The following DPY19L2 variants were observed in gnomAD, a reference collection of about 807,000 sequenced individuals.
DPY19L2 encodes the protein dpy-19 like 2.
In DPY19L2, 34 loss-of-function variants were observed where a neutral mutation model predicts 97.9. The observed-to-expected ratio is 0.35, with a 90% CI of 0.26 to 0.46. The LOEUF (loss-of-function observed/expected upper bound fraction) is 0.46. Ranked by LOEUF, DPY19L2 falls within the 20% of genes least tolerant of loss-of-function variation. The pLI is 1.00. For missense variants in DPY19L2, 623 were observed against 911.4 expected, an observed-to-expected ratio of 0.68 and a Z score of 4.07; for synonymous variants, 230 against 307.9, an observed-to-expected ratio of 0.75 and a Z score of 2.65.
At chr12:63,568,654 G>A (rs994371671) in intron 21 of DPY19L2, among the ~76,000 whole-genome samples, 1 of 151,898 alleles carries the variant, frequency 6.6e-6, no homozygotes, top group African/African-American at 2.4e-5. Context: ...CATTCTAGGA[G>A]ACAATTAATG....
intron 4 of DPY19L2, 43 bp from the exon 5 acceptor site, chr12:63,647,408 T>G: frequency 1.1e-6 from 1 of 941,742 alleles, no homozygotes; most frequent in Non-Finnish European, 1.6e-6. Context: ...GGTAAATACA[T>G]TCTCTTCATA....
At chr12:63,623,783 C>A (rs1157771487) in intron 8 of DPY19L2, 3 of 332,956 alleles carry the variant, frequency 9.0e-6, no homozygotes, top group African/African-American at 6.4e-5. Flanking sequence ...CGGCTCACTG[C>A]AACCTCCACC....
chr12:63,620,343 G>T, intron 9 of DPY19L2: 1 of 180,570 alleles, frequency 5.5e-6, no homozygotes, highest in South Asian at 1.1e-4. Context: ...ACATTCAGCT[G>T]AATTAGAAGC....
At chr12:63,668,495 G>T, upstream of DPY19L2, 1 of 1,242,918 alleles carries the variant, frequency 8.0e-7, no homozygotes, top group Non-Finnish European at 1.1e-6. Flanking sequence ...CAACGGACTT[G>T]TCCCCGCAGC....
chr12:63,572,597 G>A (rs1879084722), intron 19 of DPY19L2, among the ~76,000 whole-genome samples: 1 of 152,134 alleles, frequency 6.6e-6, no homozygotes, highest in South Asian at 2.1e-4. Flanking sequence ...TGGCCAGGCA[G>A]TAGTTACAAT....
intron 18 of DPY19L2, 132 bp downstream of exon 18, chr12:63,582,274 A>C: frequency 1.1e-6 from 1 of 892,342 alleles, no homozygotes; most frequent in Non-Finnish European, 1.6e-6. Context: ...TAATATTTTA[A>C]ATCATTTAAC....
intron 11 of DPY19L2, among the ~76,000 whole-genome samples, chr12:63,612,801 T>C (rs563353023): frequency 1.3e-5 from 2 of 150,510 alleles, no homozygotes; most frequent in Non-Finnish European, 1.5e-5. Context: ...GAAAAAAAAA[T>C]AGAACACAAA....
chr12:63,592,003 A>G (rs181264233), intron 16 of DPY19L2, among the ~76,000 whole-genome samples: 3,960 of 10,974 alleles, frequency 0.36, 538 homozygotes, highest in African/African-American at 0.45. Context: ...AGGGAGGGGA[A>G]GGGAGGGGAG....
intron 11 of DPY19L2, among the ~76,000 whole-genome samples, chr12:63,613,919 G>A (rs1469753630): frequency 6.6e-6 from 1 of 152,060 alleles, no homozygotes. Flanking sequence ...AGCTGGGCGT[G>A]GTGGCTGACA....
At chr12:63,648,650 A>G (rs897679602) in intron 4 of DPY19L2, among the ~76,000 whole-genome samples, 4 of 151,574 alleles carry the variant, frequency 2.6e-5, no homozygotes, top group African/African-American at 9.7e-5. Flanking sequence ...CTGGTCTCAA[A>G]CTCCTGACCT....
At chr12:63,667,746 G>A (rs1032492491) in intron 1 of DPY19L2, among the ~76,000 whole-genome samples, 5 of 151,928 alleles carry the variant, frequency 3.3e-5, no homozygotes, top group African/African-American at 9.7e-5. Context: ...TGCAAGACTT[G>A]CTCCACTAAT....
intron 19 of DPY19L2, among the ~76,000 whole-genome samples, chr12:63,577,713 A>G (rs1286267536): frequency 6.6e-6 from 1 of 152,170 alleles, no homozygotes; most frequent in Non-Finnish European, 1.5e-5. Context: ...ATGCAAATCA[A>G]AACTACAGTG....
intron 12 of DPY19L2, among the ~76,000 whole-genome samples, chr12:63,602,599 G>A (rs60295447): frequency 5.9e-5 from 9 of 152,090 alleles, no homozygotes; most frequent in African/African-American, 1.9e-4. Flanking sequence ...CTAACTCAAG[G>A]CATCTTTCAG....
chr12:63,631,349 C>A (rs1164605758), intron 6 of DPY19L2, among the ~76,000 whole-genome samples: 2 of 152,038 alleles, frequency 1.3e-5, no homozygotes, highest in Non-Finnish European at 2.9e-5. Flanking sequence ...AGAGAAGAAT[C>A]AAATAGACGC....
chr12:63,575,554 C>T (rs1042410264), intron 19 of DPY19L2, among the ~76,000 whole-genome samples: 3 of 151,276 alleles, frequency 2.0e-5, no homozygotes, highest in African/African-American at 7.3e-5. Flanking sequence ...AACCTTTAGC[C>T]GGACTAAGAA....
chr12:63,661,613 T>C (rs751311852), intron 3 of DPY19L2, 132 bp from the exon 4 acceptor site: 12 of 656,968 alleles, frequency 1.8e-5, no homozygotes, highest in Non-Finnish European at 2.6e-5. Flanking sequence ...CACTTCTCGC[T>C]ATTTTGCATT....
At chr12:63,619,065 A>T (rs1888275811) in intron 9 of DPY19L2, among the ~76,000 whole-genome samples, 2 of 152,140 alleles carry the variant, frequency 1.3e-5, no homozygotes, top group Non-Finnish European at 2.9e-5. Context: ...TGGCATAATC[A>T]GATATATCTT....
intron 4 of DPY19L2, among the ~76,000 whole-genome samples, chr12:63,659,303 G>T (rs1365540915): frequency 6.6e-6 from 1 of 151,972 alleles, no homozygotes; most frequent in Non-Finnish European, 1.5e-5. Flanking sequence ...AAAGAGTACT[G>T]GGGAAGACTG....
At chr12:63,603,544 C>G (rs1030125545) in intron 12 of DPY19L2, among the ~76,000 whole-genome samples, 2 of 152,090 alleles carry the variant, frequency 1.3e-5, no homozygotes, top group Non-Finnish European at 2.9e-5. Context: ...CTGACAAGCC[C>G]CAGTGTGTGT....
Sources: allele counts gnomAD v4.1 joint callset (sites outside exome capture counted in the v4.1 genomes callset), GRCh38; gene constraint gnomAD v4.1.1; transcripts MANE v1.5; gene names NCBI Gene and HGNC (gene_info 2026-07-23, HGNC 2026-07-21).